Variants in DPF3 observed in about 807,000 individuals in gnomAD.
DPF3 encodes the protein zinc finger protein DPF3.
Under a neutral mutation model 56.8 loss-of-function variants are expected in DPF3, and 18 were observed. The observed-to-expected ratio is 0.32, with a 90% CI of 0.22 to 0.47. The LOEUF (loss-of-function observed/expected upper bound fraction) is 0.47. DPF3 is among the 20% of genes least tolerant of loss of function. DPF3 has a pLI of 1.00. For synonymous variants in DPF3, 188 were observed against 180.2 expected (o/e 1.04, Z -0.35); for missense variants, 403 against 488.8 (o/e 0.82, Z 1.65).
At chr14:72,674,424 C>T (rs1015178387) in intron 7 of DPF3, 56 bp from the exon 8 acceptor site, 33 of 1,577,198 alleles carry the variant, frequency 2.1e-5, no homozygotes, top group Non-Finnish European at 2.7e-5. Flanking sequence ...TCAACTGCCC[C>T]TTCTTCTCCT....
intron 8 of DPF3, chr14:72,661,297 C>T: frequency 1.0e-6 from 1 of 985,390 alleles, no homozygotes. Context: ...TGGCTTTGAA[C>T]AGGAAACCTG....
At chr14:72,626,070 G>GT in intron 9 of DPF3, among the ~76,000 whole-genome samples, 1 of 152,058 alleles carries the variant, frequency 6.6e-6, no homozygotes, top group East Asian at 1.9e-4. Context: ...TCACTCTTCG[G>GT]TATAGTTACA....
intron 1 of DPF3, among the ~76,000 whole-genome samples, chr14:72,840,993 T>TA (rs1884522313): frequency 6.6e-6 from 1 of 152,240 alleles, no homozygotes; most frequent in African/African-American, 2.4e-5. Context: ...CTCCAGTTCT[T>TA]ACTGCATCAA....
intron 1 of DPF3, chr14:72,892,175 A>T (rs758737281): frequency 6.5e-6 from 10 of 1,535,402 alleles, no homozygotes; most frequent in Non-Finnish European, 7.8e-6. Flanking sequence ...AGGTTCTCTA[A>T]CTTGAGTTTA....
chr14:72,774,829 G>A (rs773975170), intron 1 of DPF3, among the ~76,000 whole-genome samples: 3 of 152,136 alleles, frequency 2.0e-5, no homozygotes, highest in Non-Finnish European at 4.4e-5. Context: ...AAAACTGAAT[G>A]GCACATAAGC....
intron 4 of DPF3, among the ~76,000 whole-genome samples, chr14:72,724,855 C>T (rs1246346773): frequency 6.6e-6 from 1 of 151,944 alleles, no homozygotes; most frequent in Non-Finnish European, 1.5e-5. Context: ...ACTGCAGGCA[C>T]ATGCCACCAT....
chr14:72,849,338 G>A (rs1247649508), intron 1 of DPF3, among the ~76,000 whole-genome samples: 1 of 152,108 alleles, frequency 6.6e-6, no homozygotes, highest in South Asian at 2.1e-4. Context: ...GAGACATGAC[G>A]GCAGAGGGCA....
chr14:72,893,212 A>G (rs1020223330), intron 1 of DPF3, among the ~76,000 whole-genome samples: 4 of 151,982 alleles, frequency 2.6e-5, no homozygotes, highest in Non-Finnish European at 5.9e-5. Flanking sequence ...TCGGGCCAGG[A>G]GCCCCAAAAC....
chr14:72,619,431 GC>G (rs1465065432), intron 10 of DPF3, 64 bp from the exon 11 acceptor site: 1 of 1,494,332 alleles, frequency 6.7e-7, no homozygotes, highest in Non-Finnish European at 9.0e-7. Context: ...CACCCCACTG[GC>G]CCTAACTTCT....
chr14:72,805,736 C>A (rs990971987), intron 1 of DPF3, among the ~76,000 whole-genome samples: 1 of 152,128 alleles, frequency 6.6e-6, no homozygotes, highest in African/African-American at 2.4e-5. Flanking sequence ...ATCTCAGCTA[C>A]TTGGGAGGCC....
chr14:72,698,875 C>T (rs1888027895), intron 6 of DPF3, among the ~76,000 whole-genome samples: 3 of 92 alleles, frequency 0.033, no homozygotes, highest in South Asian at 0.25. Flanking sequence ...CCTGTGTATC[C>T]GCAGTGCTGT....
chr14:72,652,228 T>A (rs986926951), intron 8 of DPF3, among the ~76,000 whole-genome samples: 2 of 152,114 alleles, frequency 1.3e-5, no homozygotes, highest in African/African-American at 4.8e-5. Flanking sequence ...ATGGGGAAAG[T>A]CTTTCCCAGT....
At chr14:72,837,440 CTAA>C (rs1884343416) in intron 1 of DPF3, among the ~76,000 whole-genome samples, 1 of 151,942 alleles carries the variant, frequency 6.6e-6, no homozygotes, top group African/African-American at 2.4e-5. Flanking sequence ...CCTTAAAGAA[CTAA>C]TAATAGGATC....
At chr14:72,830,617 C>T (rs1308852776) in intron 1 of DPF3, among the ~76,000 whole-genome samples, 2 of 152,152 alleles carry the variant, frequency 1.3e-5, no homozygotes, top group Non-Finnish European at 2.9e-5. Context: ...AGATGTGACG[C>T]ACTTAGCATG....
chr14:72,671,355 A>C (rs1343162021), intron 8 of DPF3: 1 of 1,613,796 alleles, frequency 6.2e-7, no homozygotes, highest in South Asian at 1.1e-5. Flanking sequence ...TGTATGATGA[A>C]TATATCAGCA....
chr14:72,681,360 C>T (rs1247356217), intron 7 of DPF3, among the ~76,000 whole-genome samples: 1 of 152,074 alleles, frequency 6.6e-6, no homozygotes, highest in Non-Finnish European at 1.5e-5. Context: ...ACTGCATCTA[C>T]CTCCCCCAGG....
intron 8 of DPF3, among the ~76,000 whole-genome samples, chr14:72,634,523 T>C (rs1885332804): frequency 6.6e-6 from 1 of 152,140 alleles, no homozygotes; most frequent in African/African-American, 2.4e-5. Flanking sequence ...ATACGGTCTT[T>C]CCAATTCAAA....
intron 8 of DPF3, chr14:72,670,098 G>T: frequency 1.0e-6 from 1 of 985,780 alleles, no homozygotes; most frequent in South Asian, 4.7e-5. Context: ...TGCCTGGCAG[G>T]CACTATAAAA....
chr14:72,796,428 G>A (rs988544485), intron 1 of DPF3, among the ~76,000 whole-genome samples: 26 of 152,146 alleles, frequency 1.7e-4, no homozygotes, highest in African/African-American at 5.6e-4. Flanking sequence ...ACTTGAGCCC[G>A]GGAGGCGGAG....
Sources: allele counts gnomAD v4.1 joint callset (sites outside exome capture counted in the v4.1 genomes callset), GRCh38; gene constraint gnomAD v4.1.1; transcripts MANE v1.5; gene names NCBI Gene and HGNC (gene_info 2026-07-23, HGNC 2026-07-21).